The following CCDC158 variants were observed in gnomAD, a reference collection of about 807,000 sequenced individuals.
CCDC158 encodes coiled-coil domain containing 158.
A neutral mutation model predicts 138.6 loss-of-function variants in CCDC158; 116 were observed. The observed-to-expected ratio is 0.84, with a 90% CI of 0.72 to 0.98. The LOEUF is 0.98. Ranked by LOEUF, CCDC158 falls within the 50% of genes least tolerant of loss-of-function variation. The pLI, the probability that CCDC158 is intolerant of heterozygous loss-of-function variation, is 0.00. For missense variants in CCDC158, 1,265 were observed against 1,306.1 expected (o/e 0.97, Z 0.48); for synonymous variants, 436 against 442.4 (o/e 0.99, Z 0.18).
intron 15 of CCDC158, among the ~76,000 whole-genome samples, chr4:76,354,481 A>T (rs1723349320): frequency 6.6e-6 from 1 of 152,132 alleles, no homozygotes; most frequent in East Asian, 1.9e-4. Context: ...TTTCACCTCT[A>T]TTATGGTCAG....
At chr4:76,338,307 C>T (rs1028420366) in intron 18 of CCDC158, among the ~76,000 whole-genome samples, 6 of 152,016 alleles carry the variant, frequency 3.9e-5, no homozygotes, top group African/African-American at 7.2e-5. Context: ...GTCAGGAGTT[C>T]GAGACCAGCC....
intron 9 of CCDC158, among the ~76,000 whole-genome samples, chr4:76,373,002 C>T (rs189142030): frequency 2.0e-5 from 3 of 152,166 alleles, no homozygotes; most frequent in Admixed American, 1.3e-4. Flanking sequence ...GTGCCCGCCA[C>T]CATGGCCAGC....
intron 24 of CCDC158, among the ~76,000 whole-genome samples, chr4:76,314,866 C>A (rs1162514056): frequency 2.6e-5 from 4 of 152,136 alleles, no homozygotes; most frequent in Non-Finnish European, 4.4e-5. Context: ...CAACTGGGCA[C>A]AAACTCTTTT....
intron 8 of CCDC158, among the ~76,000 whole-genome samples, chr4:76,379,743 TACACAC>T (rs34043671): frequency 0.31 from 45,116 of 146,874 alleles, 8,395 homozygotes; most frequent in Non-Finnish European, 0.43. Flanking sequence ...TCATATATAT[TACACAC>T]ACACACACAC....
intron 22 of CCDC158, among the ~76,000 whole-genome samples, chr4:76,327,664 C>A (rs958293730): frequency 6.6e-6 from 1 of 152,134 alleles, no homozygotes; most frequent in African/African-American, 2.4e-5. Context: ...TCTTATGGGA[C>A]CTCTGTTGTA....
rs746903372 is a variant in CCDC158 at position 76,403,247 on chromosome 4, G to T, written c.-40C>A. 4 of 1,377,188 alleles carry T rather than the reference G, an allele frequency of 2.9e-6. No homozygotes were observed. The highest frequency in any genetic ancestry group is 4.1e-6 in the Non-Finnish European group (4 of 983,948). 85.3% of individuals were successfully genotyped at this position (1,377,188 alleles called of 1,614,324 possible). A position where few individuals can be genotyped will look rare whatever the true frequency, so the allele number is the denominator to read the frequency against. On this transcript the variant is annotated 5_prime_UTR_variant, in exon 3 of 25. Transcript: ENST00000682701. Reference sequence around the variant, plus strand: ...CTTCTTATTAGAGATCTTGAAGTATGAATGGTTCCCTCTTTGGTTCTTTTG... The same window carrying T: ...CTTCTTATTAGAGATCTTGAAGTATTAATGGTTCCCTCTTTGGTTCTTTTG...
intron 13 of CCDC158, 63 bp from the exon 14 acceptor site, chr4:76,357,589 T>TA (rs1490321405): frequency 9.6e-7 from 1 of 1,043,060 alleles, no homozygotes; most frequent in Non-Finnish European, 1.3e-6. Flanking sequence ...TAATTAAGTA[T>TA]ATTTTATTTG....
At chr4:76,364,034 C>A (rs1211736239) in intron 12 of CCDC158, among the ~76,000 whole-genome samples, 1 of 152,094 alleles carries the variant, frequency 6.6e-6, no homozygotes. Flanking sequence ...TTCGGCGTTT[C>A]CAACTAACTG....
At chr4:76,342,206 A>T (rs1560805845) in intron 18 of CCDC158, among the ~76,000 whole-genome samples, 1 of 151,970 alleles carries the variant, frequency 6.6e-6, no homozygotes, top group African/African-American at 2.4e-5. Flanking sequence ...TGTCTGAATA[A>T]TTTTTTTATT....
At chr4:76,361,555 C>CGA (rs924428745) in intron 13 of CCDC158, among the ~76,000 whole-genome samples, 5 of 152,148 alleles carry the variant, frequency 3.3e-5, no homozygotes, top group African/African-American at 1.2e-4. Context: ...GAGTGAGACT[C>CGA]TGTCTCAAAA....
At chr4:76,350,934 C>A in intron 18 of CCDC158, 62 bp downstream of exon 18, 1 of 1,484,856 alleles carries the variant, frequency 6.7e-7, no homozygotes. Context: ...GTAATTCTTT[C>A]CAATTTAAAA....
intron 1 of CCDC158, among the ~76,000 whole-genome samples, chr4:76,412,685 A>T (rs1311091607): frequency 6.6e-6 from 1 of 152,194 alleles, no homozygotes; most frequent in Non-Finnish European, 1.5e-5. Flanking sequence ...TGGGAGGCAG[A>T]TATTGCAGTG....
intron 3 of CCDC158, among the ~76,000 whole-genome samples, chr4:76,400,523 T>A (rs1340523302): frequency 1.3e-5 from 2 of 151,542 alleles, no homozygotes; most frequent in Admixed American, 1.3e-4. Context: ...CTGCACGGTG[T>A]GCACATGTAC....
rs1016177663 is a variant in CCDC158, at chr4:76,387,693, C to T, written c.289-3028G>A. 5.3e-5 allele frequency among the ~76,000 whole-genome samples: 8 copies of T among 151,850 alleles called. No homozygotes were observed. In the South Asian group the frequency reaches 1.0e-3, roughly 20 times the overall value. The stretch of plus-strand genomic sequence containing the variant: ...CAAAAATTAGCCGGGCGTGGTGGTG[C>T]GCGCCTGTAATCCCAGCTACTCAGG... On this transcript the variant is annotated intron_variant, in intron 4 of 24. Transcript: ENST00000682701.
chr4:76,349,664 T>C (rs1425987297), intron 18 of CCDC158, among the ~76,000 whole-genome samples: 4 of 152,182 alleles, frequency 2.6e-5, no homozygotes, highest in Admixed American at 2.6e-4. Context: ...CAAGACTCTG[T>C]CTCAGGAAAA....
intron 4 of CCDC158, among the ~76,000 whole-genome samples, chr4:76,390,359 T>TA (rs1222777619): frequency 2.0e-5 from 3 of 151,538 alleles, no homozygotes; most frequent in African/African-American, 4.8e-5. Flanking sequence ...ACCTCAAAGG[T>TA]AAAAAAACAT....
intron 24 of CCDC158, among the ~76,000 whole-genome samples, chr4:76,314,882 G>A (rs1719223478): frequency 6.6e-6 from 1 of 152,172 alleles, no homozygotes; most frequent in South Asian, 2.1e-4. Context: ...CTTTTGAGCG[G>A]AATCTGGGTG....
At chr4:76,314,763 A>T (rs867818586) in intron 24 of CCDC158, among the ~76,000 whole-genome samples, 1 of 152,146 alleles carries the variant, frequency 6.6e-6, no homozygotes, top group Admixed American at 6.5e-5. Flanking sequence ...ATCCCTGACT[A>T]TATCTCACAG....
Position 76,326,761 on chromosome 4 carries a change from T to C in CCDC158, c.3011-746A>G, listed in dbSNP as rs76720641. 1.8e-3 allele frequency among the ~76,000 whole-genome samples: 269 copies of C among 152,138 alleles called. 5 individuals carry two copies. The East Asian group carries it at 0.044, about 25-fold the overall frequency. On this transcript the variant is annotated intron_variant, in intron 22 of 24. Transcript: ENST00000682701. ...GATATCTTCAAAGTGAAGAAAAAAA[T>C]GCCAATCTAGAATTCTATACTCAGC...
Sources: allele counts gnomAD v4.1 joint callset (sites outside exome capture counted in the v4.1 genomes callset), GRCh38; gene constraint gnomAD v4.1.1; transcripts MANE v1.5; gene names NCBI Gene and HGNC (gene_info 2026-07-23, HGNC 2026-07-21).